Variants in MMD observed in about 807,000 individuals in gnomAD.
MMD encodes the protein monocyte to macrophage differentiation associated.
A neutral mutation model predicts 33.6 loss-of-function variants in MMD; 22 were observed. The ratio of observed to expected loss-of-function variants is 0.66; its 90% CI spans 0.47 to 0.94. MMD has a LOEUF of 0.94. Among genes scored for constraint, MMD ranks in the 40% least tolerant of loss-of-function variants. The pLI is 0.00. For synonymous variants in MMD, 97 were observed against 103.2 expected, an observed-to-expected ratio of 0.94 and a Z score of 0.36; for missense variants, 242 against 309.8, an observed-to-expected ratio of 0.78 and a Z score of 1.64.
At chr17:55,404,696 T>A (rs1290299186) in intron 4 of MMD, 8 of 985,024 alleles carry the variant, frequency 8.1e-6, no homozygotes, top group Non-Finnish European at 9.6e-6. Context: ...TTTGGTAGAA[T>A]TTAACCATGG....
At chr17:55,409,308 A>G (rs1472783900) in intron 3 of MMD, among the ~76,000 whole-genome samples, 2 of 152,330 alleles carry the variant, frequency 1.3e-5, no homozygotes, top group Non-Finnish European at 2.9e-5. Flanking sequence ...TAGAGGGTGG[A>G]GGAAGGAGAA....
At chr17:55,401,340 T>A in intron 6 of MMD, 129 bp downstream of exon 6, 1 of 764,620 alleles carries the variant, frequency 1.3e-6, no homozygotes. Context: ...TATTTATAAG[T>A]TCTTTTTCTT....
chr17:55,415,276 TAAA>T (rs202102909), intron 1 of MMD, among the ~76,000 whole-genome samples: 1 of 139,332 alleles, frequency 7.2e-6, no homozygotes, highest in African/African-American at 2.6e-5. Context: ...CAGACGGACG[TAAA>T]AAAAAAAAAA....
chr17:55,401,444 C>T (rs1484193486), intron 6 of MMD, 25 bp downstream of exon 6: 21 of 1,565,242 alleles, frequency 1.3e-5, no homozygotes, highest in Non-Finnish European at 1.7e-5. Flanking sequence ...AAGAAAATAA[C>T]TAAAATTCTG....
At chr17:55,403,707 TGCAGATA>T in intron 5 of MMD, 53 bp downstream of exon 5, 1 of 1,196,912 alleles carries the variant, frequency 8.4e-7, no homozygotes, top group Non-Finnish European at 1.2e-6. Context: ...TGTATTGCAG[TGCAGATA>T]ATATTTAGGC....
chr17:55,394,819 G>A (rs1174515089), intron 6 of MMD, among the ~76,000 whole-genome samples: 1 of 152,242 alleles, frequency 6.6e-6, no homozygotes, highest in South Asian at 2.1e-4. Flanking sequence ...TAAGCAAACT[G>A]CAATCATAGC....
chr17:55,412,434 T>A (rs1030382926), intron 2 of MMD, among the ~76,000 whole-genome samples: 1 of 152,258 alleles, frequency 6.6e-6, no homozygotes, highest in Non-Finnish European at 1.5e-5. Context: ...TTCTGCATCA[T>A]ATTTCATAGT....
chr17:55,414,561 C>T (rs1260955233), intron 1 of MMD, among the ~76,000 whole-genome samples: 10 of 29,772 alleles, frequency 3.4e-4, no homozygotes, highest in Non-Finnish European at 1.6e-3. Context: ...TCCATTCACA[C>T]ACACACACAC....
intron 3 of MMD, among the ~76,000 whole-genome samples, chr17:55,409,932 GT>G (rs1422818483): frequency 1.3e-5 from 2 of 152,192 alleles, no homozygotes; most frequent in African/African-American, 4.8e-5. Flanking sequence ...AGGCACTTTT[GT>G]GGTTCTCTTG....
intron 3 of MMD, among the ~76,000 whole-genome samples, chr17:55,408,129 A>C (rs1432752305): frequency 6.6e-6 from 1 of 152,120 alleles, no homozygotes; most frequent in Non-Finnish European, 1.5e-5. Flanking sequence ...TCTTTTTCTG[A>C]TGTTTTCCAT....
At chr17:55,403,724 C>T in intron 5 of MMD, 43 bp downstream of exon 5, 3 of 1,426,976 alleles carry the variant, frequency 2.1e-6, no homozygotes, top group Non-Finnish European at 2.9e-6. Context: ...AATATTTAGG[C>T]AGTCAATTTT....
chr17:55,407,594 GA>G (rs954653036), intron 4 of MMD, 151 bp downstream of exon 4: 338 of 638,696 alleles, frequency 5.3e-4, no homozygotes, highest in Non-Finnish European at 7.8e-4. Flanking sequence ...ATCAAATGGG[GA>G]AAAAAATGCA....
intron 1 of MMD, 38 bp downstream of exon 1, chr17:55,421,632 T>C (rs762422215): frequency 1.3e-6 from 2 of 1,598,314 alleles, no homozygotes; most frequent in East Asian, 4.6e-5. Flanking sequence ...AACCCGCTTC[T>C]GACACGGGCA....
chr17:55,420,059 T>C (rs1908117362), intron 1 of MMD: 1 of 152,262 alleles, frequency 6.6e-6, no homozygotes, highest in Non-Finnish European at 1.5e-5. Flanking sequence ...GTTTTAACGT[T>C]TGTGCAACAA....
chr17:55,397,068 G>A (rs1457750151), intron 6 of MMD, among the ~76,000 whole-genome samples: 4 of 152,134 alleles, frequency 2.6e-5, no homozygotes, highest in Admixed American at 2.0e-4. Context: ...ACTTCTACAT[G>A]TTAGAAACCC....
chr17:55,393,436 A>T lies in MMD; in HGVS notation c.*898T>A, dbSNP rs1906990918. 6.5e-6 allele frequency: 1 copy of T among 152,674 alleles called. No individual in the cohort carries two copies. The highest frequency in any genetic ancestry group is 1.5e-5 in the Non-Finnish European group (1 of 68,044). The allele number at this position is 152,674 out of a possible 1,614,324, so 9.5% of individuals were successfully genotyped here. ...CTCACTGTAATACATAATGCTCTTC[A>T]GGAGTTTCCAGCAGATGGCCATCAC... On this transcript the variant is annotated 3_prime_UTR_variant, in exon 7 of 7. Coordinates refer to ENST00000262065, the MANE Select transcript of MMD (RefSeq NM_012329.3).
chr17:55,407,347 TAAG>T (rs1907595857), intron 4 of MMD, among the ~76,000 whole-genome samples: 1 of 143,424 alleles, frequency 7.0e-6, no homozygotes, highest in African/African-American at 2.5e-5. Context: ...AATAAATAAA[TAAG>T]CTTGCTTTCC....
chr17:55,417,312 TC>T (rs1908002467), intron 1 of MMD, among the ~76,000 whole-genome samples: 1 of 152,174 alleles, frequency 6.6e-6, no homozygotes, highest in Admixed American at 6.5e-5. Flanking sequence ...AAACTCCATC[TC>T]TACAAAAATA....
intron 4 of MMD, among the ~76,000 whole-genome samples, chr17:55,405,325 G>A (rs960490721): frequency 1.1e-4 from 17 of 150,542 alleles, no homozygotes; most frequent in Admixed American, 3.3e-4. Context: ...AGCCAAGATC[G>A]CGCCATTGCA....
Sources: allele counts gnomAD v4.1 joint callset (sites outside exome capture counted in the v4.1 genomes callset), GRCh38; gene constraint gnomAD v4.1.1; transcripts MANE v1.5; gene names NCBI Gene and HGNC (gene_info 2026-07-23, HGNC 2026-07-21).